IQCH: variants seen among roughly 807,000 people sequenced by gnomAD.
The protein encoded by IQCH is IQ motif containing H, also known as IQ domain-containing protein H.
IQCH carries 98 observed loss-of-function variants against 117.0 expected under a neutral mutation model. That is an observed-to-expected ratio of 0.84 (90% confidence interval 0.71 to 0.99). The LOEUF is 0.99. Ranked by LOEUF, IQCH falls within the 50% of genes least tolerant of loss-of-function variation. IQCH has a pLI of 0.00. For missense variants in IQCH, 1,102 were observed against 1,243.8 expected (o/e 0.89, Z 1.72); for synonymous variants, 412 against 448.2 (o/e 0.92, Z 1.02).
chr15:67,382,413 C>G (rs1285008195), intron 10 of IQCH, among the ~76,000 whole-genome samples: 3 of 152,188 alleles, frequency 2.0e-5, no homozygotes, highest in Non-Finnish European at 4.4e-5. Context: ...TGATAGCAAC[C>G]TTAATTCCAT....
At chr15:67,317,632 CG>C (rs1028274119) in intron 4 of IQCH, among the ~76,000 whole-genome samples, 12 of 152,132 alleles carry the variant, frequency 7.9e-5, no homozygotes, top group African/African-American at 2.7e-4. Flanking sequence ...AAAGGGACTT[CG>C]TATCTTTTCC....
chr15:67,302,437 C>T (rs1340129971), intron 4 of IQCH, among the ~76,000 whole-genome samples: 1 of 152,070 alleles, frequency 6.6e-6, no homozygotes, highest in African/African-American at 2.4e-5. Context: ...TAATTAGGTA[C>T]GACATTACTT....
intron 18 of IQCH, among the ~76,000 whole-genome samples, chr15:67,488,963 T>C (rs761570017): frequency 3.3e-5 from 5 of 152,022 alleles, no homozygotes; most frequent in African/African-American, 4.8e-5. Context: ...ACCCCTGCTA[T>C]AGACAACACA....
At chr15:67,423,587 C>CAAAA (rs551556730) in intron 16 of IQCH, among the ~76,000 whole-genome samples, 1 of 76,792 alleles carries the variant, frequency 1.3e-5, no homozygotes, top group Non-Finnish European at 2.7e-5. Flanking sequence ...GAACCTGTCT[C>CAAAA]AAAAAAAAAA....
At chr15:67,361,620 G>T (rs1454063343) in intron 8 of IQCH, among the ~76,000 whole-genome samples, 1 of 152,028 alleles carries the variant, frequency 6.6e-6, no homozygotes, top group Non-Finnish European at 1.5e-5. Flanking sequence ...GTCTTTTACT[G>T]TTTTCTTCAA....
rs192693756 is a variant in IQCH at position 67,338,209 on chromosome 15, A to G, written c.508+1114A>G. The stretch of plus-strand genomic sequence containing the variant: ...AATGAATCGATATATCTGTCTGTCT[A>G]TCTATCTATCTATCTATCTATCTAT... On this transcript the variant is annotated intron_variant, in intron 5 of 20. Coordinates refer to ENST00000335894, the MANE Select transcript of IQCH (RefSeq NM_001031715.3). Among the ~76,000 whole-genome samples the G allele has an allele frequency of 4.3e-4, 49 of 114,632 alleles. 1 individual carries two copies. The South Asian group carries it at 6.2e-3, about 15-fold the overall frequency. The allele number at this position is 114,632 out of a possible 152,430, so 75.2% of individuals were successfully genotyped here. A position where few individuals can be genotyped will look rare whatever the true frequency, so the allele number is the denominator to read the frequency against.
At chr15:67,480,832 G>C (rs1051430209) in intron 18 of IQCH, among the ~76,000 whole-genome samples, 1 of 152,108 alleles carries the variant, frequency 6.6e-6, no homozygotes. Flanking sequence ...AGGAGAAACA[G>C]TTGGAAATTT....
intron 4 of IQCH, among the ~76,000 whole-genome samples, chr15:67,317,627 G>A (rs1967910273): frequency 6.6e-6 from 1 of 152,142 alleles, no homozygotes; most frequent in Admixed American, 6.5e-5. Context: ...ATTGAAAAGG[G>A]ACTTCGTATC....
intron 16 of IQCH, among the ~76,000 whole-genome samples, chr15:67,423,650 A>C (rs1274639524): frequency 6.6e-6 from 1 of 151,086 alleles, no homozygotes; most frequent in Non-Finnish European, 1.5e-5. Context: ...CGCCTGTAAT[A>C]CCAGCATTTT....
At chr15:67,409,186 G>T (rs1036599497) in intron 14 of IQCH, among the ~76,000 whole-genome samples, 14 of 152,094 alleles carry the variant, frequency 9.2e-5, no homozygotes, top group African/African-American at 2.9e-4. Flanking sequence ...ATGAACCAAG[G>T]ACAGGGCTTG....
At chr15:67,290,060 A>G (rs1407948696) in intron 4 of IQCH, among the ~76,000 whole-genome samples, 2 of 152,048 alleles carry the variant, frequency 1.3e-5, no homozygotes, top group East Asian at 1.9e-4. Flanking sequence ...TCGACTGGTA[A>G]TATAATTCTG....
At position 67,421,532 on chromosome 15, in the gene IQCH, G is replaced by A. The variant is rs369243986; in HGVS notation, c.2460G>A (p.Ser820=). 1.2e-5 allele frequency: 19 copies of A among 1,614,032 alleles called. No individual in the cohort carries two copies. The highest frequency in any genetic ancestry group is 1.6e-4 in the Middle Eastern group (1 of 6,084). ...CRMRDVVGYF[S]IDLVTFIDPS... ...TGAGAGATGTGGTTGGTTACTTTTC[G>A]ATAGATCTGGTGACTTTTATAGATC... Residue 820 remains serine (S), a synonymous_variant, in exon 16 of 21, where the codon TCG becomes TCA. Transcript: ENST00000335894.
chr15:67,281,011 A>G (rs1335506009), intron 4 of IQCH, among the ~76,000 whole-genome samples: 2 of 151,958 alleles, frequency 1.3e-5, no homozygotes, highest in Admixed American at 1.3e-4. Context: ...ACGCCCGGCT[A>G]ATTTTTATAT....
At position 67,463,459 on chromosome 15, in the gene IQCH, A is replaced by G. The variant is rs118071309; in HGVS notation, c.2506-1668A>G. 4.6e-5 allele frequency among the ~76,000 whole-genome samples: 7 copies of G among 152,346 alleles called. No homozygotes were observed. In the East Asian group the frequency reaches 1.3e-3, roughly 29 times the overall value. The stretch of plus-strand genomic sequence containing the variant: ...CAGAATCAGGGAATGGGAAGAAGGT[A>G]GACTTGGAGCCAGGTAGAATTGGAT... On this transcript the variant is annotated intron_variant, in intron 16 of 20. Coordinates refer to ENST00000335894, the MANE Select transcript of IQCH (RefSeq NM_001031715.3). The surrounding 1 kb of genome is among the most constrained non-coding windows in gnomAD (Gnocchi z 4.0).
chr15:67,360,499 T>A (rs1970087686), intron 8 of IQCH, among the ~76,000 whole-genome samples: 1 of 152,244 alleles, frequency 6.6e-6, no homozygotes, highest in Admixed American at 6.5e-5. Flanking sequence ...CTGATTCTCC[T>A]TTGAGCAAGT....
At chr15:67,499,297 C>CAAAAAAAAAAAAAAAAAAAAA (rs59618730) in intron 20 of IQCH, among the ~76,000 whole-genome samples, 3 of 49,160 alleles carry the variant, frequency 6.1e-5, no homozygotes, top group African/African-American at 2.5e-4. Context: ...AGACCTGTCC[C>CAAAAAAAAAAAAAAAAAAAAA]AAAAAAAAAA....
chr15:67,430,534 T>C lies in IQCH; in HGVS notation c.2505+8957T>C, dbSNP rs561595190. The C allele has an allele frequency of 6.6e-6, 1 of 152,206 alleles. No individual in the cohort carries two copies. The highest frequency in any genetic ancestry group is 2.4e-5 in the African/African-American group (1 of 41,446). The allele number at this position is 152,206 out of a possible 1,614,324, so 9.4% of individuals were successfully genotyped here. A position where few individuals can be genotyped will look rare whatever the true frequency, so the allele number is the denominator to read the frequency against. The stretch of plus-strand genomic sequence containing the variant: ...TTCATAGGTATAAATATTGCCTCCA[T>C]GAGATTTTTTTAATCCTTTAGAAAA... On this transcript the variant is annotated intron_variant, in intron 16 of 20. Coordinates refer to ENST00000335894, the MANE Select transcript of IQCH (RefSeq NM_001031715.3). The surrounding 1 kb of genome is among the most constrained non-coding windows in gnomAD (Gnocchi z 5.1).
chr15:67,436,388 G>A lies in IQCH; in HGVS notation c.2505+14811G>A, dbSNP rs1293768829. Among the ~76,000 whole-genome samples, 5 of 152,170 alleles carry A rather than the reference G, an allele frequency of 3.3e-5. No homozygotes were observed. Among genetic ancestry groups the A allele is most frequent in the Non-Finnish European group, 7.3e-5 (5 of 68,030 alleles). On this transcript the variant is annotated intron_variant, in intron 16 of 20. Transcript: ENST00000335894. This position sits in a 1 kb window ranked among gnomAD's most constrained non-coding sequence, Gnocchi z 5.1. ...TTAGAGAGCCAAGGGAAATACAGGG[G>A]TAGAGGAAGAAGCAGAAAGGCCCTA...
intron 14 of IQCH, among the ~76,000 whole-genome samples, chr15:67,415,345 A>G (rs2081550364): frequency 6.6e-6 from 1 of 152,140 alleles, no homozygotes; most frequent in Admixed American, 6.5e-5. Flanking sequence ...AGCCCTTCTT[A>G]ACAGACCTCC....
Sources: allele counts gnomAD v4.1 joint callset (sites outside exome capture counted in the v4.1 genomes callset), GRCh38; gene constraint gnomAD v4.1.1; non-coding constraint Gnocchi (gnomAD v3.1); transcripts MANE v1.5; gene names NCBI Gene and HGNC (gene_info 2026-07-23, HGNC 2026-07-21).